Variants in COL6A5 observed in about 807,000 individuals in gnomAD.
The protein encoded by COL6A5 is collagen type VI alpha 5 chain.
In COL6A5, 48 loss-of-function variants were observed where a neutral mutation model predicts 65.6. The ratio of observed to expected loss-of-function variants is 0.73; its 90% CI spans 0.58 to 0.93. COL6A5 has a LOEUF of 0.93. Among genes scored for constraint, COL6A5 ranks in the 40% least tolerant of loss-of-function variants. The probability of loss-of-function intolerance (pLI) is 0.00; values close to 1 mark genes in which losing one functional copy is unlikely to be tolerated. For synonymous variants in COL6A5, 291 were observed against 322.8 expected, an observed-to-expected ratio of 0.90 and a Z score of 1.05; for missense variants, 914 against 928.3, an observed-to-expected ratio of 0.98 and a Z score of 0.20.
At chr3:130,440,067 A>G (rs1284159288) in intron 2 of COL6A5, 99 bp from the exon 35 acceptor site, 4 of 913,928 alleles carry the variant, frequency 4.4e-6, no homozygotes, top group Admixed American at 5.7e-5. Context: ...ATCAAATTAT[A>G]ATTCTTGGTA....
At chr3:130,375,544 A>G (rs1464472211) in intron 2 of COL6A5, among the ~76,000 whole-genome samples, 1 of 152,094 alleles carries the variant, frequency 6.6e-6, no homozygotes. Flanking sequence ...ACCTGAGACA[A>G]TTGCTTACTC....
At chr3:130,432,067 C>T in intron 1 of COL6A5, 118 bp downstream of exon 33, 1 of 984,516 alleles carries the variant, frequency 1.0e-6, no homozygotes, top group South Asian at 1.7e-5. Context: ...AACTCCTTTA[C>T]AGTTTTCACA....
intron 4 of COL6A5, among the ~76,000 whole-genome samples, chr3:130,383,679 T>G (rs1446884910): frequency 6.6e-6 from 1 of 152,074 alleles, no homozygotes; most frequent in African/African-American, 2.4e-5. Flanking sequence ...ATAAATTACC[T>G]AAGAGCTGTC....
At chr3:130,373,937 C>T (rs570641056) in intron 2 of COL6A5, among the ~76,000 whole-genome samples, 2 of 152,136 alleles carry the variant, frequency 1.3e-5, no homozygotes, top group African/African-American at 2.4e-5. Context: ...CATTAATTTG[C>T]TTCAATCTCA....
chr3:130,377,952 T>A (rs1935845537), intron 3 of COL6A5, among the ~76,000 whole-genome samples: 1 of 152,138 alleles, frequency 6.6e-6, no homozygotes, highest in South Asian at 2.1e-4. Flanking sequence ...CATAAATATT[T>A]TTGAGCTCTC....
chr3:130,447,479 A>C (rs576911920), intron 4 of COL6A5, among the ~76,000 whole-genome samples: 2 of 152,032 alleles, frequency 1.3e-5, no homozygotes, highest in African/African-American at 4.8e-5. Context: ...AGATTATGGA[A>C]CTCCTGAGCT....
chr3:130,457,529 C>T (rs2107602438), intron 5 of COL6A5, among the ~76,000 whole-genome samples: 1 of 152,060 alleles, frequency 6.6e-6, no homozygotes, highest in South Asian at 2.1e-4. Context: ...GTTCATAGCT[C>T]TAGCAGGGAA....
intron 1 of COL6A5, among the ~76,000 whole-genome samples, chr3:130,362,289 C>CAT (rs1184871633): frequency 0.019 from 242 of 12,498 alleles, 19 homozygotes; most frequent in African/African-American, 0.038. Context: ...TGTCTTTCTC[C>CAT]ATATATATAT....
At chr3:130,397,399 G>T (rs139172029) in intron 8 of COL6A5, among the ~76,000 whole-genome samples, 184 bp from the exon 9 acceptor site, 30 of 151,966 alleles carry the variant, frequency 2.0e-4, no homozygotes, top group African/African-American at 6.8e-4. Flanking sequence ...ATGTGTATAT[G>T]TATATATATG....
Position 130,398,125 on chromosome 3 carries a change from GTTGTTTTT to G in COL6A5, c.3991+17_3991+24del. The G allele has an allele frequency of 4.7e-6, 5 of 1,061,730 alleles. No homozygotes were observed. Among genetic ancestry groups the G allele is most frequent in the East Asian group, 3.4e-5 (1 of 29,230 alleles). The allele number at this position is 1,061,730 out of a possible 1,614,324, so 65.8% of individuals were successfully genotyped here. A position where few individuals can be genotyped will look rare whatever the true frequency, so the allele number is the denominator to read the frequency against. Reference sequence around the variant, plus strand: ...TCAGAGAAGCAGGTATTGAGTTGTTGTTGTTTTTTTTTTTTTTTTTTTTGAGATGGAGT... The same window carrying G: ...TCAGAGAAGCAGGTATTGAGTTGTTGTTTTTTTTTTTTTTTGAGATGGAGT... On this transcript the variant is annotated intron_variant and NMD_transcript_variant, in intron 10 of 41. Transcript: ENST00000312481.
At chr3:130,352,319 C>T (rs1934753217) in intron 1 of COL6A5, among the ~76,000 whole-genome samples, 2 of 151,678 alleles carry the variant, frequency 1.3e-5, no homozygotes, top group African/African-American at 2.4e-5. Flanking sequence ...AAAAAAGATT[C>T]GTTGGAAAAT....
chr3:130,391,282 G>T, exon 7 of COL6A5: 1 of 1,551,596 alleles, frequency 6.4e-7, no homozygotes, highest in Non-Finnish European at 8.7e-7. Context: ...CTATCCATTT[G>T]GTGAAGAAAG....
chr3:130,400,998 T>C, intron 10 of COL6A5, 33 bp from the exon 11 acceptor site: 1 of 1,495,708 alleles, frequency 6.7e-7, no homozygotes, highest in South Asian at 1.3e-5. Context: ...ACAACCCCTT[T>C]GCTTTATTTA....
At chr3:130,373,619 T>G in exon 2 of COL6A5, 2 of 1,454,430 alleles carry the variant, frequency 1.4e-6, no homozygotes, top group Non-Finnish European at 1.9e-6. Flanking sequence ...AGAACAAAAG[T>G]AAAAATCTTC....
intron 10 of COL6A5, 96 bp downstream of exon 10, chr3:130,398,207 T>C (rs543716602): frequency 1.9e-5 from 15 of 797,330 alleles, no homozygotes; most frequent in African/African-American, 1.5e-4. Flanking sequence ...CTCAGCTCAC[T>C]GCAAGCTCCA....
At chr3:130,477,821 G>A (rs1710136736) in intron 7 of COL6A5, among the ~76,000 whole-genome samples, 1 of 152,040 alleles carries the variant, frequency 6.6e-6, no homozygotes. Context: ...CATTTCTCTA[G>A]AAATCACTGA....
At chr3:130,360,357 G>A (rs1357510432) in intron 1 of COL6A5, among the ~76,000 whole-genome samples, 1 of 152,026 alleles carries the variant, frequency 6.6e-6, no homozygotes, top group African/African-American at 2.4e-5. Flanking sequence ...TAAAACTTCT[G>A]ATTTATTCTT....
upstream of COL6A5, among the ~76,000 whole-genome samples, chr3:130,431,018 G>C (rs1013993761): frequency 6.6e-6 from 1 of 152,112 alleles, no homozygotes; most frequent in Non-Finnish European, 1.5e-5. Flanking sequence ...TTTTGGGGGA[G>C]AGCAGATTTT....
chr3:130,441,024 T>A (rs1709169730), intron 3 of COL6A5, among the ~76,000 whole-genome samples, 199 bp downstream of exon 35: 3 of 152,154 alleles, frequency 2.0e-5, no homozygotes. Context: ...CTGAGGCCTT[T>A]TTTTATGATA....
Sources: allele counts gnomAD v4.1 joint callset (sites outside exome capture counted in the v4.1 genomes callset), GRCh38; gene constraint gnomAD v4.1.1; transcripts MANE v1.5; gene names NCBI Gene and HGNC (gene_info 2026-07-23, HGNC 2026-07-21).